LGSN: variants seen among roughly 807,000 people sequenced by gnomAD.
LGSN encodes lengsin.
In LGSN, 21 loss-of-function variants were observed where a neutral mutation model predicts 19.5. The observed-to-expected ratio is 1.07, with a 90% CI of 0.76 to 1.55. The LOEUF is 1.55. LGSN is among the 40% of genes most tolerant of loss of function. The pLI is 0.00. For synonymous variants in LGSN, 257 were observed against 215.6 expected (o/e 1.19, Z -1.68); for missense variants, 673 against 608.5 (o/e 1.11, Z -1.12).
the LGSN span, among the ~76,000 whole-genome samples, chr6:63,507,340 G>T: frequency 1.3e-5 from 2 of 152,158 alleles, no homozygotes; most frequent in African/African-American, 4.8e-5. Context: ...TTAAGGGAGG[G>T]TTATTGGTGC....
chr6:63,308,677 G>C (rs1768498834), intron 1 of LGSN, among the ~76,000 whole-genome samples: 1 of 151,874 alleles, frequency 6.6e-6, no homozygotes, highest in African/African-American at 2.4e-5. Context: ...AGGCATTAAT[G>C]CATTTACCAA....
chr6:63,441,577 A>G, the LGSN span: 167 of 448,522 alleles, frequency 3.7e-4, no homozygotes, highest in Non-Finnish European at 5.1e-4. Context: ...CGAGAGGCAG[A>G]GAAGTATGAG....
chr6:63,446,148 G>A, the LGSN span, among the ~76,000 whole-genome samples: 11 of 151,266 alleles, frequency 7.3e-5, 1 homozygote, highest in South Asian at 1.9e-3. Flanking sequence ...TACTCAGGAG[G>A]CTGAGGCAGG....
the LGSN span, among the ~76,000 whole-genome samples, chr6:63,558,976 G>C: frequency 6.6e-6 from 1 of 152,122 alleles, no homozygotes; most frequent in Non-Finnish European, 1.5e-5. Flanking sequence ...AATGTTGAAG[G>C]GTGATTAGCT....
At chr6:63,555,659 C>CAGAAAGT in the LGSN span, among the ~76,000 whole-genome samples, 1 of 151,162 alleles carries the variant, frequency 6.6e-6, no homozygotes, top group East Asian at 1.9e-4. Flanking sequence ...GGTGAGTCAA[C>CAGAAAGT]AGAAAGTATG....
chr6:63,302,165 G>A (rs1483478790), intron 1 of LGSN, among the ~76,000 whole-genome samples: 2 of 151,996 alleles, frequency 1.3e-5, no homozygotes, highest in Non-Finnish European at 1.5e-5. Flanking sequence ...AATATATTAT[G>A]AATATGTATT....
At chr6:63,342,111 C>G in the LGSN span, among the ~76,000 whole-genome samples, 1 of 152,182 alleles carries the variant, frequency 6.6e-6, no homozygotes, top group Non-Finnish European at 1.5e-5. Flanking sequence ...AGCTACATCA[C>G]CCAGTGTACA....
At chr6:63,383,466 A>G in the LGSN span, among the ~76,000 whole-genome samples, 1 of 152,096 alleles carries the variant, frequency 6.6e-6, no homozygotes, top group Non-Finnish European at 1.5e-5. Context: ...GGATAAGAAT[A>G]CACCAGAACA....
chr6:63,449,730 T>A, the LGSN span, among the ~76,000 whole-genome samples: 1 of 152,014 alleles, frequency 6.6e-6, no homozygotes, highest in African/African-American at 2.4e-5. Flanking sequence ...CAGAAAAGAT[T>A]TTTCAGTCGT....
chr6:63,452,183 T>C, the LGSN span, among the ~76,000 whole-genome samples: 1 of 152,132 alleles, frequency 6.6e-6, no homozygotes, highest in Non-Finnish European at 1.5e-5. Context: ...TTAAATCAAA[T>C]GTTTGGTAGG....
At chr6:63,373,175 A>T in the LGSN span, among the ~76,000 whole-genome samples, 4 of 151,982 alleles carry the variant, frequency 2.6e-5, no homozygotes, top group African/African-American at 9.7e-5. Flanking sequence ...CACCTCCCTT[A>T]CCTCCTCCAC....
At chr6:63,285,292 G>A (rs1554170445) in intron 3 of LGSN, among the ~76,000 whole-genome samples, 1 of 152,006 alleles carries the variant, frequency 6.6e-6, no homozygotes, top group Non-Finnish European at 1.5e-5. Context: ...CAGTAAGGGA[G>A]AAAAAATAAT....
At chr6:63,549,582 A>C in the LGSN span, 1 of 602,104 alleles carries the variant, frequency 1.7e-6, no homozygotes, top group Non-Finnish European at 2.9e-6. Context: ...TTTTTTAAAG[A>C]AAACCTTTAT....
intron 1 of LGSN, among the ~76,000 whole-genome samples, chr6:63,299,639 T>A (rs755662708): frequency 2.0e-5 from 3 of 152,172 alleles, no homozygotes; most frequent in Non-Finnish European, 4.4e-5. Context: ...TGGAAACTAG[T>A]AAATGAAAAA....
the LGSN span, among the ~76,000 whole-genome samples, chr6:63,434,403 G>C: frequency 2.1e-5 from 3 of 141,780 alleles, no homozygotes; most frequent in South Asian, 6.6e-4. Context: ...TCGCACCACT[G>C]CACTCTAGCC....
At chr6:63,358,506 A>C in the LGSN span, among the ~76,000 whole-genome samples, 2 of 151,932 alleles carry the variant, frequency 1.3e-5, no homozygotes, top group Non-Finnish European at 2.9e-5. Flanking sequence ...CTTTTATGTC[A>C]TTGAGCAGTG....
chr6:63,333,228 GGCGC>G, the LGSN span, among the ~76,000 whole-genome samples: 2 of 151,924 alleles, frequency 1.3e-5, no homozygotes, highest in Non-Finnish European at 2.9e-5. Context: ...GTTTTGACAG[GGCGC>G]TGATTGGTGC....
the LGSN span, among the ~76,000 whole-genome samples, chr6:63,465,051 A>G: frequency 6.6e-6 from 1 of 151,382 alleles, no homozygotes; most frequent in Non-Finnish European, 1.5e-5. Context: ...AAACTTCCTA[A>G]TTATTTTACT....
the LGSN span, among the ~76,000 whole-genome samples, chr6:63,485,937 C>T: frequency 6.6e-6 from 1 of 152,062 alleles, no homozygotes; most frequent in Non-Finnish European, 1.5e-5. Context: ...ACCATGTTGG[C>T]CCGGCTGCTC....
Sources: gnomAD v4.1 joint callset for allele counts (sites outside exome capture counted in the v4.1 genomes callset) on GRCh38, gnomAD v4.1.1 for gene constraint, MANE v1.5 for transcripts, NCBI Gene and HGNC (gene_info 2026-07-23, HGNC 2026-07-21) for gene names.